The following LNP1 variants were observed in gnomAD, a reference collection of about 807,000 sequenced individuals.
LNP1 encodes leukemia NUP98 fusion partner 1.
In LNP1, 12 loss-of-function variants were observed where a neutral mutation model predicts 14.5. The observed-to-expected ratio is 0.83, with a 90% CI of 0.53 to 1.34. The LOEUF (loss-of-function observed/expected upper bound fraction) is 1.34. Ranked by LOEUF, LNP1 falls within the 40% of genes most tolerant of loss-of-function variation. The probability of loss-of-function intolerance (pLI) is 0.00; values close to 1 mark genes in which losing one functional copy is unlikely to be tolerated. For missense variants in LNP1, 198 were observed against 210.9 expected (o/e 0.94, Z 0.38); for synonymous variants, 75 against 71.4 (o/e 1.05, Z -0.26).
At chr3:100,415,655 C>G (rs539319922) in intron 1 of LNP1, among the ~76,000 whole-genome samples, 2 of 152,270 alleles carry the variant, frequency 1.3e-5, no homozygotes, top group South Asian at 4.1e-4. Context: ...ATAGACAACA[C>G]ACTGCACACA....
chr3:100,439,972 C>A (rs968114213), intron 2 of LNP1, among the ~76,000 whole-genome samples: 1 of 152,178 alleles, frequency 6.6e-6, no homozygotes, highest in Non-Finnish European at 1.5e-5. Context: ...AAATACCACA[C>A]ACTGGGTGGC....
intron 2 of LNP1, among the ~76,000 whole-genome samples, chr3:100,444,535 A>G (rs1438677182): frequency 1.3e-5 from 2 of 152,250 alleles, no homozygotes; most frequent in African/African-American, 4.8e-5. Flanking sequence ...CTCATGTCTT[A>G]AAGGACTAAT....
intron 1 of LNP1, among the ~76,000 whole-genome samples, chr3:100,422,521 G>C (rs1171332365): frequency 6.6e-6 from 1 of 152,160 alleles, no homozygotes; most frequent in East Asian, 1.9e-4. Context: ...AGGGATTGAA[G>C]AGACCTTGAG....
intron 3 of LNP1, among the ~76,000 whole-genome samples, chr3:100,453,080 T>C (rs1707475405): frequency 6.6e-6 from 1 of 152,120 alleles, no homozygotes; most frequent in Non-Finnish European, 1.5e-5. Context: ...GATACTTGGG[T>C]GCTTCGTATT....
intron 1 of LNP1, among the ~76,000 whole-genome samples, chr3:100,406,709 A>G (rs1272227260): frequency 6.6e-6 from 1 of 151,682 alleles, no homozygotes; most frequent in African/African-American, 2.4e-5. Context: ...TAATTTTTGT[A>G]TTTTTAGTAG....
chr3:100,434,106 T>C (rs1415155540), intron 2 of LNP1, among the ~76,000 whole-genome samples: 6 of 152,224 alleles, frequency 3.9e-5, no homozygotes, highest in African/African-American at 1.4e-4. Context: ...TCTGTTGCAA[T>C]TGCTTTTGGT....
chr3:100,413,416 C>G (rs183891242), intron 1 of LNP1, among the ~76,000 whole-genome samples: 5 of 152,326 alleles, frequency 3.3e-5, no homozygotes, highest in African/African-American at 1.2e-4. Flanking sequence ...GAAGGAGCAT[C>G]TGCATTTATC....
At chr3:100,426,742 G>A (rs1226520869) in intron 1 of LNP1, among the ~76,000 whole-genome samples, 1 of 152,092 alleles carries the variant, frequency 6.6e-6, no homozygotes, top group Non-Finnish European at 1.5e-5. Context: ...ATCAGTTATG[G>A]AGATTTCAGT....
intron 1 of LNP1, among the ~76,000 whole-genome samples, chr3:100,416,439 T>A (rs1403862106): frequency 1.3e-5 from 2 of 152,162 alleles, no homozygotes; most frequent in Non-Finnish European, 2.9e-5. Context: ...TCTTTATTTA[T>A]TTTTTAATCT....
At position 100,428,454 on chromosome 3, in the gene LNP1, CCTGG is replaced by C. The variant is rs1354552755; in HGVS notation, c.-33-1242_-33-1239del. On this transcript the variant is annotated intron_variant, in intron 1 of 3. Transcript: ENST00000383693. ...GCCTGAGGCAGGAGAATCATTTGAA[CCTGG>C]GAAGTGGGGGTTGCAGTGAGCTGAG... Among the ~76,000 whole-genome samples, 8 of 151,586 alleles carry C rather than the reference CCTGG, an allele frequency of 5.3e-5. No individual in the cohort carries two copies. The East Asian group carries it at 1.6e-3, about 30-fold the overall frequency.
At chr3:100,442,270 A>C (rs1707351122) in intron 2 of LNP1, among the ~76,000 whole-genome samples, 1 of 152,176 alleles carries the variant, frequency 6.6e-6, no homozygotes, top group Non-Finnish European at 1.5e-5. Context: ...CTGTAGGAGA[A>C]AAGTCTTACT....
At chr3:100,454,792 T>C (rs1458361590) in intron 3 of LNP1, among the ~76,000 whole-genome samples, 1 of 152,218 alleles carries the variant, frequency 6.6e-6, no homozygotes. Context: ...GACACCACTG[T>C]GTTAAACAGA....
At chr3:100,437,215 C>T (rs1265736877) in intron 2 of LNP1, among the ~76,000 whole-genome samples, 6 of 152,186 alleles carry the variant, frequency 3.9e-5, no homozygotes, top group African/African-American at 1.4e-4. Context: ...GTTATGATCT[C>T]AGTGGCATAT....
At chr3:100,431,992 TTA>T (rs66513332) in intron 2 of LNP1, among the ~76,000 whole-genome samples, 18 of 34,704 alleles carry the variant, frequency 5.2e-4, no homozygotes, top group Non-Finnish European at 9.7e-4. Flanking sequence ...GAGACCTTGT[TTA>T]TATATATATA....
chr3:100,455,291 G>GT (rs1489953486), intron 3 of LNP1, among the ~76,000 whole-genome samples: 1 of 152,168 alleles, frequency 6.6e-6, no homozygotes, highest in Non-Finnish European at 1.5e-5. Context: ...GGGGACACAT[G>GT]TCGGGGGGTG....
At chr3:100,452,447 T>A (rs1287849177) in intron 3 of LNP1, among the ~76,000 whole-genome samples, 4 of 152,062 alleles carry the variant, frequency 2.6e-5, no homozygotes, top group Admixed American at 2.0e-4. Flanking sequence ...GCTCAAGCAA[T>A]GCTCCTGCCT....
In LNP1 at chr3:100,456,274, C is replaced by T. The variant is rs1707509750; in HGVS notation, c.*348C>T. On this transcript the variant is annotated 3_prime_UTR_variant, in exon 4 of 4. Transcript: ENST00000383693. ...CCCACATAGCTTCACCAACCCTTCT[C>T]ACACATCAACTCATAAATCATCTTA... The T allele has an allele frequency of 5.9e-6, 1 of 168,344 alleles. No homozygotes were observed. The highest frequency in any genetic ancestry group is 1.3e-5 in the Non-Finnish European group (1 of 79,518). The allele number at this position is 168,344 out of a possible 1,614,324, so 10.4% of individuals were successfully genotyped here. A position where few individuals can be genotyped will look rare whatever the true frequency, so the allele number is the denominator to read the frequency against.
intron 1 of LNP1, among the ~76,000 whole-genome samples, chr3:100,427,766 C>T (rs1707208211): frequency 6.6e-6 from 1 of 152,196 alleles, no homozygotes; most frequent in South Asian, 2.1e-4. Context: ...GGAAATTAGG[C>T]ACACTCTTCC....
intron 1 of LNP1, among the ~76,000 whole-genome samples, chr3:100,417,037 CTG>C (rs1707091565): frequency 6.6e-6 from 1 of 152,000 alleles, no homozygotes; most frequent in South Asian, 2.1e-4. Context: ...CTTTTTGTGT[CTG>C]TGCATATTTT....
Sources: allele counts gnomAD v4.1 joint callset (sites outside exome capture counted in the v4.1 genomes callset), GRCh38; gene constraint gnomAD v4.1.1; transcripts MANE v1.5; gene names NCBI Gene and HGNC (gene_info 2026-07-23, HGNC 2026-07-21).